COL4A4: variants seen among roughly 807,000 people sequenced by gnomAD.
The protein encoded by COL4A4 is collagen type IV alpha 4 chain, also known as collagen alpha-4(IV) chain.
Under a neutral mutation model 192.9 loss-of-function variants are expected in COL4A4, and 105 were observed. The observed-to-expected ratio is 0.54, with a 90% CI of 0.46 to 0.64. The LOEUF (loss-of-function observed/expected upper bound fraction) is 0.64. Ranked by LOEUF, COL4A4 falls within the 30% of genes least tolerant of loss-of-function variation. COL4A4 has a pLI of 0.00. For missense variants in COL4A4, 1,967 were observed against 2,169.3 expected (o/e 0.91, Z 1.85); for synonymous variants, 762 against 769.9 (o/e 0.99, Z 0.17).
intron 31 of COL4A4, among the ~76,000 whole-genome samples, 188 bp downstream of exon 31, chr2:227,054,406 A>G (rs932852201): frequency 1.3e-5 from 2 of 152,230 alleles, no homozygotes; most frequent in Non-Finnish European, 2.9e-5. Context: ...TTTGCCATCT[A>G]TATGTAATAA....
chr2:227,143,488 A>C (rs550779181), intron 3 of COL4A4, among the ~76,000 whole-genome samples: 1 of 152,320 alleles, frequency 6.6e-6, no homozygotes, highest in East Asian at 1.9e-4. Context: ...CCCTGTGTGA[A>C]ATCTCTAGAC....
At chr2:227,122,277 C>T (rs573517808) in intron 4 of COL4A4, among the ~76,000 whole-genome samples, 2 of 152,166 alleles carry the variant, frequency 1.3e-5, no homozygotes, top group African/African-American at 2.4e-5. Context: ...GAGGCCGAGG[C>T]GGGCAGATCA....
intron 20 of COL4A4, among the ~76,000 whole-genome samples, chr2:227,091,194 T>C (rs1459823982): frequency 6.6e-6 from 1 of 151,304 alleles, no homozygotes; most frequent in Non-Finnish European, 1.5e-5. Flanking sequence ...CCCTGAAACA[T>C]GAACAGCCTG....
downstream of COL4A4, among the ~76,000 whole-genome samples, chr2:227,001,656 A>G (rs1449993093): frequency 1.3e-5 from 2 of 152,232 alleles, no homozygotes; most frequent in Non-Finnish European, 2.9e-5. Flanking sequence ...GGATTCTACT[A>G]GATGGTGACT....
chr2:227,139,335 T>G (rs1245539930), intron 4 of COL4A4, among the ~76,000 whole-genome samples: 1 of 152,222 alleles, frequency 6.6e-6, no homozygotes, highest in Non-Finnish European at 1.5e-5. Context: ...ACTCAAAAAT[T>G]GTCCCAAACT....
At chr2:227,147,244 G>A (rs2063606079) in intron 2 of COL4A4, 169 bp downstream of exon 2, 2 of 742,472 alleles carry the variant, frequency 2.7e-6, no homozygotes, top group Non-Finnish European at 4.9e-6. Context: ...AATTGAGAGG[G>A]TTGGTGTTCA....
chr2:227,077,738 G>A (rs971730708), intron 25 of COL4A4, among the ~76,000 whole-genome samples, 156 bp downstream of exon 25: 5 of 151,484 alleles, frequency 3.3e-5, no homozygotes, highest in Non-Finnish European at 5.9e-5. Context: ...AGGGGTCTAG[G>A]GATACAAAAA....
chr2:227,111,204 C>T (rs4306709), intron 9 of COL4A4, among the ~76,000 whole-genome samples: 30,340 of 152,056 alleles, frequency 0.2, 4,934 homozygotes, highest in African/African-American at 0.44. Context: ...GTGAAACTTT[C>T]TCACATCAGA....
downstream of COL4A4, chr2:226,998,491 A>T (rs1010609412): frequency 1.3e-5 from 2 of 152,228 alleles, no homozygotes; most frequent in Non-Finnish European, 2.9e-5. Context: ...TATTCAGTAA[A>T]GAATAGCATT....
rs200799557 is a variant in COL4A4 at position 227,008,045 on chromosome 2, G to C, written c.4782C>G (p.Ser1594Arg). The change falls in exon 47 of 48, where the codon AGC becomes AGG. Residue 1594 changes from serine (S) to arginine (R), a missense_variant. Ser to Arg is a moderately radical substitution (Grantham distance 110). Transcript: ENST00000396625. The part of the protein sequence containing the change: ...SIPPCPQTWR[S>R]LWIGYSFLMH... The stretch of plus-strand genomic sequence containing the variant: ...TCAGGAATGAATACCCGATCCAGAG[G>C]CTCCTCCAGGTCTGCGGACATGGGG... 15 of 1,613,144 alleles carry C rather than the reference G, an allele frequency of 9.3e-6. No homozygotes were observed. The highest frequency in any genetic ancestry group is 1.2e-5 in the Non-Finnish European group (14 of 1,180,052).
At chr2:227,154,178 C>T (rs1001032587) in intron 1 of COL4A4, among the ~76,000 whole-genome samples, 1 of 152,206 alleles carries the variant, frequency 6.6e-6, no homozygotes, top group African/African-American at 2.4e-5. Context: ...CCTCTAATTC[C>T]GTGAGGCTTT....
intron 23 of COL4A4, among the ~76,000 whole-genome samples, chr2:227,081,811 G>A (rs1228805853): frequency 1.3e-5 from 2 of 151,924 alleles, no homozygotes; most frequent in African/African-American, 4.9e-5. Flanking sequence ...GACTAATATA[G>A]AATACTGTAA....
intron 43 of COL4A4, among the ~76,000 whole-genome samples, chr2:227,023,788 C>CTGCCTG (rs2149875575): frequency 6.6e-6 from 1 of 151,806 alleles, no homozygotes; most frequent in Non-Finnish European, 1.5e-5. Flanking sequence ...CCAAGATGGA[C>CTGCCTG]AGATCACGAG....
chr2:227,158,239 G>A (rs969813042), intron 1 of COL4A4, among the ~76,000 whole-genome samples: 1 of 151,964 alleles, frequency 6.6e-6, no homozygotes, highest in African/African-American at 2.4e-5. Context: ...AATTTAGTGG[G>A]GGAAAAAGTC....
intron 1 of COL4A4, among the ~76,000 whole-genome samples, chr2:227,151,352 T>C (rs1382288798): frequency 2.0e-5 from 3 of 152,222 alleles, no homozygotes; most frequent in Non-Finnish European, 2.9e-5. Context: ...AATTATTGAA[T>C]ATCAAAAGTA....
intron 4 of COL4A4, among the ~76,000 whole-genome samples, chr2:227,125,579 C>T (rs978580840): frequency 6.6e-6 from 1 of 152,058 alleles, no homozygotes. Flanking sequence ...TTGAAGGATG[C>T]TAACTCCTCT....
At chr2:227,062,997 C>T (rs1977510891) in intron 25 of COL4A4, among the ~76,000 whole-genome samples, 2 of 152,158 alleles carry the variant, frequency 1.3e-5, no homozygotes, top group Admixed American at 1.3e-4. Context: ...CTCGATAAAT[C>T]ATAAAATAGC....
chr2:227,039,766 G>A (rs903716585), intron 37 of COL4A4, among the ~76,000 whole-genome samples: 2 of 152,214 alleles, frequency 1.3e-5, no homozygotes, highest in African/African-American at 4.8e-5. Flanking sequence ...CGCCATGAAG[G>A]CTGTAGAGAT....
chr2:226,997,693 C>T, the COL4A4 span: 1 of 152,130 alleles, frequency 6.6e-6, no homozygotes, highest in South Asian at 2.1e-4. Flanking sequence ...TTGTCAGATA[C>T]AAAGACACGG....
Sources: allele counts gnomAD v4.1 joint callset (sites outside exome capture counted in the v4.1 genomes callset), GRCh38; gene constraint gnomAD v4.1.1; transcripts MANE v1.5; gene names NCBI Gene and HGNC (gene_info 2026-07-23, HGNC 2026-07-21).